Variants in RICTOR observed in about 807,000 individuals in gnomAD.
RICTOR encodes the protein rapamycin-insensitive companion of mTOR.
RICTOR carries 49 observed loss-of-function variants against 214.9 expected under a neutral mutation model. That is an observed-to-expected ratio of 0.23 (90% CI 0.18 to 0.29). The LOEUF (loss-of-function observed/expected upper bound fraction) is 0.29, where lower values mean the gene tolerates loss of function less well. RICTOR is among the 10% of genes least tolerant of loss of function. The pLI is 1.00. For synonymous variants in RICTOR, 717 were observed against 711.3 expected, an observed-to-expected ratio of 1.01 and a Z score of -0.13; for missense variants, 1,625 against 2,047.0, an observed-to-expected ratio of 0.79 and a Z score of 3.98.
In RICTOR at chr5:38,939,455, T is replaced by C. The variant is rs559435437; in HGVS notation, c.*2849A>G. 22 of 232,296 alleles carry C rather than the reference T, an allele frequency of 9.5e-5. No individual in the cohort carries two copies. In the South Asian group the frequency reaches 1.8e-3, roughly 19 times the overall value. The allele number at this position is 232,296 out of a possible 1,614,324, so 14.4% of individuals were successfully genotyped here. A position where few individuals can be genotyped will look rare whatever the true frequency, so the allele number is the denominator to read the frequency against. On this transcript the variant is annotated 3_prime_UTR_variant, in exon 38 of 38. Transcript: ENST00000357387. ...AAATTTAATTAGGGAGAACAGACTG[T>C]TTCCCCCTTCCAATCTACCTAAGAA... is the stretch of plus-strand genomic sequence containing the variant.
chr5:38,957,595 A>G, intron 25 of RICTOR, 57 bp downstream of exon 25: 1 of 929,940 alleles, frequency 1.1e-6, no homozygotes, highest in Non-Finnish European at 1.7e-6. Flanking sequence ...TAAATTCACA[A>G]ATCAATTTCA....
chr5:38,954,556 C>G, intron 27 of RICTOR: 1 of 420,988 alleles, frequency 2.4e-6, no homozygotes, highest in Non-Finnish European at 4.3e-6. Context: ...AAAAGTCATA[C>G]ACAAGTCAGT....
intron 37 of RICTOR, 73 bp from the exon 38 acceptor site, chr5:38,942,451 A>AT (rs1747674373): frequency 1.1e-5 from 9 of 788,478 alleles, no homozygotes; most frequent in South Asian, 2.7e-5. Context: ...ATAAATATCT[A>AT]ATTTTTTTTT....
At chr5:39,013,041 G>A (rs1754664853) in intron 3 of RICTOR, among the ~76,000 whole-genome samples, 1 of 152,148 alleles carries the variant, frequency 6.6e-6, no homozygotes, top group African/African-American at 2.4e-5. Flanking sequence ...AAAATAGAGT[G>A]GCAGCATGTA....
intron 14 of RICTOR, 95 bp downstream of exon 14, chr5:38,967,066 G>T: frequency 1.0e-6 from 1 of 955,552 alleles, no homozygotes; most frequent in Non-Finnish European, 1.7e-6. Flanking sequence ...TTCTCAAAGT[G>T]TTGGGATTAC....
intron 2 of RICTOR, among the ~76,000 whole-genome samples, chr5:39,039,086 C>G (rs1037968014): frequency 6.6e-6 from 1 of 152,140 alleles, no homozygotes; most frequent in Non-Finnish European, 1.5e-5. Context: ...GCTACAGTAA[C>G]CAAAACAGCA....
At chr5:38,965,095 A>T (rs965061465) in intron 15 of RICTOR, among the ~76,000 whole-genome samples, 2 of 151,984 alleles carry the variant, frequency 1.3e-5, no homozygotes, top group Non-Finnish European at 2.9e-5. Context: ...GAATATAAAG[A>T]TACACACATA....
chr5:38,994,909 T>C (rs1276533829), intron 6 of RICTOR, among the ~76,000 whole-genome samples: 2 of 152,348 alleles, frequency 1.3e-5, no homozygotes, highest in East Asian at 3.9e-4. Context: ...CTGAGGGTCC[T>C]TAAGATATTT....
intron 2 of RICTOR, among the ~76,000 whole-genome samples, chr5:39,036,995 C>G (rs1320895144): frequency 6.6e-6 from 1 of 152,118 alleles, no homozygotes; most frequent in Non-Finnish European, 1.5e-5. Flanking sequence ...ACTCTCCACC[C>G]CAAATCAACA....
chr5:38,968,486 A>C (rs11750347), intron 11 of RICTOR, among the ~76,000 whole-genome samples: 31,403 of 151,862 alleles, frequency 0.21, 3,537 homozygotes, highest in African/African-American at 0.28. Context: ...CAAAACAAAA[A>C]AAAAAAAAGC....
At chr5:39,027,093 C>T (rs1755888109) in intron 2 of RICTOR, among the ~76,000 whole-genome samples, 1 of 152,072 alleles carries the variant, frequency 6.6e-6, no homozygotes. Flanking sequence ...GAGAGAGAAA[C>T]CAAAATGTCA....
chr5:39,008,669 T>C (rs1203664823), intron 3 of RICTOR, among the ~76,000 whole-genome samples: 1 of 151,696 alleles, frequency 6.6e-6, no homozygotes, highest in African/African-American at 2.4e-5. Context: ...ATAAAACAAA[T>C]AAGAAAATTT....
intron 2 of RICTOR, among the ~76,000 whole-genome samples, chr5:39,036,632 C>A (rs957471307): frequency 1.3e-5 from 2 of 151,884 alleles, no homozygotes; most frequent in African/African-American, 2.4e-5. Context: ...ATCTACCAAG[C>A]AAATGGAAAA....
intron 2 of RICTOR, among the ~76,000 whole-genome samples, chr5:39,057,810 T>C (rs949100989): frequency 5.9e-5 from 9 of 152,140 alleles, no homozygotes; most frequent in African/African-American, 2.2e-4. Context: ...CTCACTGTTT[T>C]CCACACTTCC....
chr5:38,985,766 G>C (rs1752119247), intron 7 of RICTOR, among the ~76,000 whole-genome samples: 1 of 151,918 alleles, frequency 6.6e-6, no homozygotes, highest in African/African-American at 2.4e-5. Context: ...CGCAATCTCG[G>C]CTCACTGCAA....
intron 17 of RICTOR, 130 bp downstream of exon 17, chr5:38,962,746 A>T (rs547987914): frequency 1.1e-6 from 1 of 871,050 alleles, no homozygotes; most frequent in Non-Finnish European, 1.8e-6. Context: ...AAATTATAAA[A>T]CTCAGAAGCC....
chr5:39,011,392 G>A (rs1016110004), intron 3 of RICTOR, among the ~76,000 whole-genome samples: 6 of 152,128 alleles, frequency 3.9e-5, no homozygotes, highest in Non-Finnish European at 8.8e-5. Flanking sequence ...CTTCTGCTAG[G>A]ACACTGTGGA....
At chr5:39,041,759 C>T (rs1220330351) in intron 2 of RICTOR, among the ~76,000 whole-genome samples, 1 of 151,752 alleles carries the variant, frequency 6.6e-6, no homozygotes, top group Non-Finnish European at 1.5e-5. Flanking sequence ...AACAACTAAC[C>T]TTACAATGTT....
chr5:39,023,593 A>AT (rs1376583061), intron 2 of RICTOR, among the ~76,000 whole-genome samples: 2 of 152,216 alleles, frequency 1.3e-5, no homozygotes, highest in African/African-American at 2.4e-5. Context: ...CAAAAGCACA[A>AT]TTTTTAAAAT....
Sources: allele counts gnomAD v4.1 joint callset (sites outside exome capture counted in the v4.1 genomes callset), GRCh38; gene constraint gnomAD v4.1.1; transcripts MANE v1.5; gene names NCBI Gene and HGNC (gene_info 2026-07-23, HGNC 2026-07-21).